The following FKBP1B variants were observed in gnomAD, a reference collection of about 807,000 sequenced individuals.
FKBP1B encodes the protein peptidyl-prolyl cis-trans isomerase FKBP1B.
In FKBP1B, 4 loss-of-function variants were observed where a neutral mutation model predicts 13.5. That is an observed-to-expected ratio of 0.30 (90% CI 0.15 to 0.68). FKBP1B has a LOEUF of 0.68. Among genes scored for constraint, FKBP1B ranks in the 30% least tolerant of loss-of-function variants. The pLI is 0.76. For synonymous variants in FKBP1B, 54 were observed against 53.6 expected, an observed-to-expected ratio of 1.01 and a Z score of -0.03; for missense variants, 93 against 136.2, an observed-to-expected ratio of 0.68 and a Z score of 1.58.
chr2:24,062,176 T>G (rs1216423034), intron 3 of FKBP1B, among the ~76,000 whole-genome samples: 1 of 151,620 alleles, frequency 6.6e-6, no homozygotes, highest in Non-Finnish European at 1.5e-5. Context: ...TGTTTTTTAT[T>G]TATTTATTTA....
At chr2:24,055,147 C>G (rs1022621972) in intron 2 of FKBP1B, among the ~76,000 whole-genome samples, 1 of 151,658 alleles carries the variant, frequency 6.6e-6, no homozygotes, top group Non-Finnish European at 1.5e-5. Flanking sequence ...CCCCTGATGC[C>G]TTCTCCCAGT....
At chr2:24,037,420 C>T in the FKBP1B span, among the ~76,000 whole-genome samples, 1 of 152,092 alleles carries the variant, frequency 6.6e-6, no homozygotes, top group African/African-American at 2.4e-5. Context: ...ATAAATTGCC[C>T]GAATTAGTGC....
At chr2:24,045,600 C>CAAA (rs869243363), upstream of FKBP1B, among the ~76,000 whole-genome samples, 2 of 64,404 alleles carry the variant, frequency 3.1e-5, no homozygotes, top group African/African-American at 6.3e-5. Flanking sequence ...GACTCCATCT[C>CAAA]AAAAAAAAAA....
upstream of FKBP1B, among the ~76,000 whole-genome samples, chr2:24,045,312 G>C (rs1277042359): frequency 6.6e-6 from 1 of 152,142 alleles, no homozygotes; most frequent in African/African-American, 2.4e-5. Context: ...GGCAAGGAAG[G>C]CAGGGCAGGC....
chr2:24,042,843 G>T, the FKBP1B span, among the ~76,000 whole-genome samples: 190 of 151,822 alleles, frequency 1.3e-3, no homozygotes, highest in African/African-American at 4.4e-3. Flanking sequence ...AGACCAGCCT[G>T]ACCAACATGG....
At chr2:24,049,681 C>A (rs1663751876), upstream of FKBP1B, 2 of 441,722 alleles carry the variant, frequency 4.5e-6, no homozygotes, top group Non-Finnish European at 3.7e-6. Context: ...CCCCGCCGCC[C>A]CCTTGCCAGT....
At chr2:24,055,194 C>CTT (rs71395180) in intron 2 of FKBP1B, among the ~76,000 whole-genome samples, 3 of 131,196 alleles carry the variant, frequency 2.3e-5, no homozygotes, top group Non-Finnish European at 4.9e-5. Context: ...CATTGTTTTT[C>CTT]TTTTTTTTTT....
At chr2:24,049,971 G>A (rs1663780115) in intron 1 of FKBP1B, 85 bp downstream of exon 1, 28 of 1,182,482 alleles carry the variant, frequency 2.4e-5, no homozygotes, top group East Asian at 3.2e-5. Context: ...GAGGTGGCGT[G>A]GAGGGTGCTG....
At chr2:24,037,524 C>T in the FKBP1B span, among the ~76,000 whole-genome samples, 1,057 of 152,328 alleles carry the variant, frequency 6.9e-3, 2 homozygotes, top group Non-Finnish European at 9.9e-3. Context: ...ACCAACCAAC[C>T]TGCAAAGGTG....
At chr2:24,034,813 G>T in the FKBP1B span, among the ~76,000 whole-genome samples, 1 of 152,054 alleles carries the variant, frequency 6.6e-6, no homozygotes, top group South Asian at 2.1e-4. Context: ...GGACTCAAGT[G>T]ATCTACCCAT....
At chr2:24,055,295 C>T (rs563469627) in intron 2 of FKBP1B, among the ~76,000 whole-genome samples, 6 of 151,698 alleles carry the variant, frequency 4.0e-5, no homozygotes, top group South Asian at 2.1e-4. Flanking sequence ...ATTGCAGCCT[C>T]GACCTCTCGG....
At chr2:24,054,044 A>C (rs1226298774) in intron 2 of FKBP1B, 95 bp downstream of exon 2, 1 of 1,247,058 alleles carries the variant, frequency 8.0e-7, no homozygotes, top group South Asian at 1.2e-5. Flanking sequence ...CCTCTGGATC[A>C]GGGCTAAAGC....
chr2:24,035,326 A>AC, the FKBP1B span, among the ~76,000 whole-genome samples: 1,540 of 130,812 alleles, frequency 0.012, 32 homozygotes, highest in African/African-American at 0.041. Context: ...CCTTTTGTGT[A>AC]ACAAAAGGGG....
rs373667270 is a variant in FKBP1B at position 24,063,218 on chromosome 2, G to A, written c.*26G>A. 9 of 1,556,198 alleles carry A rather than the reference G, an allele frequency of 5.8e-6. No homozygotes were observed. The African/African-American group carries it at 1.1e-4, about 19-fold the overall frequency. On this transcript the variant is annotated 3_prime_UTR_variant, in exon 4 of 4. Transcript: ENST00000380986. ...AGGCAGGAAGGAACTCAAGGTGGCT[G>A]GAGATGGCTGCTGCTCACCCTCCTA...
upstream of FKBP1B, among the ~76,000 whole-genome samples, chr2:24,047,611 C>T (rs1663669630): frequency 6.6e-6 from 1 of 152,172 alleles, no homozygotes; most frequent in Non-Finnish European, 1.5e-5. Context: ...CGTAAAACCA[C>T]CGACCGCAAG....
chr2:24,035,933 G>A, the FKBP1B span, among the ~76,000 whole-genome samples: 2 of 151,844 alleles, frequency 1.3e-5, no homozygotes, highest in African/African-American at 2.4e-5. Context: ...GCCAGGTGTG[G>A]TGGCACGTGC....
Position 24,063,370 on chromosome 2 carries a change from C to T in FKBP1B, c.*178C>T, listed in dbSNP as rs888311773. On this transcript the variant is annotated 3_prime_UTR_variant, in exon 4 of 4. Coordinates refer to ENST00000380986, the MANE Select transcript of FKBP1B (RefSeq NM_004116.5). ...CTGTATGTGTTCGTCAGTGTTCATG[C>T]GAATTCTTGCTTGAGGAAACTTCGG... is the stretch of plus-strand genomic sequence containing the variant. 9 of 572,656 alleles carry T rather than the reference C, an allele frequency of 1.6e-5. No homozygotes were observed. The highest frequency in any genetic ancestry group is 1.1e-4 in the Admixed American group (3 of 26,386). The allele number at this position is 572,656 out of a possible 1,614,324, so 35.5% of individuals were successfully genotyped here. A position where few individuals can be genotyped will look rare whatever the true frequency, so the allele number is the denominator to read the frequency against.
chr2:24,053,051 A>G (rs1028348077), intron 1 of FKBP1B, among the ~76,000 whole-genome samples: 11 of 151,852 alleles, frequency 7.2e-5, no homozygotes, highest in African/African-American at 2.2e-4. Context: ...CCCTGTGATC[A>G]GGCACAGGCT....
At chr2:24,042,311 G>A in the FKBP1B span, among the ~76,000 whole-genome samples, 1 of 152,040 alleles carries the variant, frequency 6.6e-6, no homozygotes, top group Non-Finnish European at 1.5e-5. Flanking sequence ...GCCGAGGCAG[G>A]CGGATCACGA....
Sources: gnomAD v4.1 joint callset for allele counts (sites outside exome capture counted in the v4.1 genomes callset) on GRCh38, gnomAD v4.1.1 for gene constraint, MANE v1.5 for transcripts, NCBI Gene and HGNC (gene_info 2026-07-23, HGNC 2026-07-21) for gene names.